The following MPHOSPH9 variants were observed in gnomAD, a reference collection of about 807,000 sequenced individuals.
MPHOSPH9 encodes M-phase phosphoprotein 9.
Under a neutral mutation model 145.5 loss-of-function variants are expected in MPHOSPH9, and 88 were observed. The ratio of observed to expected loss-of-function variants is 0.60; its 90% CI spans 0.51 to 0.72. MPHOSPH9 has a LOEUF of 0.72. MPHOSPH9 is among the 30% of genes least tolerant of loss of function. The pLI is 0.00. For synonymous variants in MPHOSPH9, 435 were observed against 486.2 expected (o/e 0.89, Z 1.39); for missense variants, 1,238 against 1,386.6 (o/e 0.89, Z 1.70).
intron 21 of MPHOSPH9, 55 bp downstream of exon 21, chr12:123,162,060 A>G: frequency 8.7e-7 from 1 of 1,152,670 alleles, no homozygotes; most frequent in Non-Finnish European, 1.2e-6. Context: ...GAGATACCAG[A>G]ATCTCAAAAA....
chr12:123,178,304 C>A (rs1242806283), intron 15 of MPHOSPH9, among the ~76,000 whole-genome samples: 1 of 152,224 alleles, frequency 6.6e-6, no homozygotes, highest in Non-Finnish European at 1.5e-5. Flanking sequence ...ATAGCCCTAA[C>A]AAGACTGATG....
At chr12:123,194,666 A>G (rs959998422) in intron 12 of MPHOSPH9, 65 bp from the exon 13 acceptor site, 72 of 1,205,120 alleles carry the variant, frequency 6.0e-5, no homozygotes, top group Admixed American at 8.8e-5. Context: ...CTGTTGCCCA[A>G]GCTGGAGTAC....
intron 16 of MPHOSPH9, among the ~76,000 whole-genome samples, chr12:123,168,605 G>A (rs531683871): frequency 3.3e-4 from 50 of 152,004 alleles, no homozygotes; most frequent in African/African-American, 9.2e-4. Context: ...GCCTCCCAAA[G>A]TGCTGGGATT....
intron 7 of MPHOSPH9, among the ~76,000 whole-genome samples, chr12:123,210,718 T>G (rs1034475252): frequency 6.6e-6 from 1 of 151,590 alleles, no homozygotes; most frequent in Admixed American, 6.6e-5. Flanking sequence ...ATAATAATAA[T>G]AAAATAAATT....
At chr12:123,231,587 C>T (rs1434520423) in intron 1 of MPHOSPH9, among the ~76,000 whole-genome samples, 1 of 152,142 alleles carries the variant, frequency 6.6e-6, no homozygotes, top group African/African-American at 2.4e-5. Context: ...GTCCCAGCTA[C>T]TCTGGAGGCT....
intron 12 of MPHOSPH9, among the ~76,000 whole-genome samples, chr12:123,197,758 G>A (rs2046031088): frequency 6.7e-6 from 1 of 149,706 alleles, no homozygotes; most frequent in Non-Finnish European, 1.5e-5. Context: ...CTACAGCCTG[G>A]GCGACAGAGC....
chr12:123,154,268 C>T lies in MPHOSPH9; in HGVS notation c.*2539G>A, dbSNP rs948923231. ...TTAATACCTGCAGCAAAGCCCCAAGCCAACAACAAAAATAGTTTATACCCG... is the reference window on the plus strand; with the variant it reads ...TTAATACCTGCAGCAAAGCCCCAAGTCAACAACAAAAATAGTTTATACCCG... On this transcript the variant is annotated 3_prime_UTR_variant, in exon 24 of 24. Coordinates refer to ENST00000606320, the MANE Select transcript of MPHOSPH9 (RefSeq NM_022782.4). The T allele has an allele frequency of 2.6e-5, 4 of 151,026 alleles. No homozygotes were observed. The highest frequency in any genetic ancestry group is 4.9e-5 in the African/African-American group (2 of 41,016). The allele number at this position is 151,026 out of a possible 1,614,324, so 9.4% of individuals were successfully genotyped here. A position where few individuals can be genotyped will look rare whatever the true frequency, so the allele number is the denominator to read the frequency against.
At chr12:123,189,885 G>A (rs979774108) in intron 13 of MPHOSPH9, among the ~76,000 whole-genome samples, 5 of 151,340 alleles carry the variant, frequency 3.3e-5, no homozygotes, top group East Asian at 2.0e-4. Context: ...GCAGTGAGCC[G>A]AGATGGTGCC....
At chr12:123,210,029 C>T (rs1481560473) in intron 8 of MPHOSPH9, 27 bp downstream of exon 8, 1 of 1,554,478 alleles carries the variant, frequency 6.4e-7, no homozygotes, top group East Asian at 2.3e-5. Flanking sequence ...AGCCACCGCG[C>T]CCGGCCACCG....
At chr12:123,229,742 CA>C (rs2047566436) in intron 2 of MPHOSPH9, among the ~76,000 whole-genome samples, 1 of 150,900 alleles carries the variant, frequency 6.6e-6, no homozygotes, top group African/African-American at 2.4e-5. Flanking sequence ...GCTTTCCATG[CA>C]AAAGTACATA....
At chr12:123,166,370 T>C (rs2044317923) in intron 17 of MPHOSPH9, 1 of 370,100 alleles carries the variant, frequency 2.7e-6, no homozygotes, top group African/African-American at 2.2e-5. Context: ...CCTCCCAAAG[T>C]GTTGGGATTA....
rs984062773 is a variant in MPHOSPH9 at position 123,162,946 on chromosome 12, C to T, written c.3029+68G>A. ...CTGAAAAATTAGTGATAGCTAGAGA[C>T]ATAAGTCAACATTTAGAAAAAAATC... On this transcript the variant is annotated intron_variant, in intron 20 of 23. Transcript: ENST00000606320. 2.8e-6 allele frequency: 4 copies of T among 1,412,530 alleles called. No individual in the cohort carries two copies. In the African/African-American group the frequency reaches 6.0e-5, roughly 21 times the overall value. 87.5% of individuals were successfully genotyped at this position (1,412,530 alleles called of 1,614,324 possible).
chr12:123,237,425 G>T (rs2047869041), upstream of MPHOSPH9, among the ~76,000 whole-genome samples: 1 of 152,158 alleles, frequency 6.6e-6, no homozygotes, highest in African/African-American at 2.4e-5. Context: ...CGAAACTCCG[G>T]CTCAAAAATA....
At position 123,207,800 on chromosome 12, in the gene MPHOSPH9, C is replaced by T. The variant is rs553815241; in HGVS notation, c.1194+2256G>A. 5.1e-4 allele frequency among the ~76,000 whole-genome samples: 77 copies of T among 150,212 alleles called. No homozygotes were observed. The Middle Eastern group carries it at 0.01, about 20-fold the overall frequency. ...CCTGGGAGGCAGAGATTGCAGTGAG[C>T]TGAGATCACGCCACTGCACTCCAGC... On this transcript the variant is annotated intron_variant, in intron 8 of 23. Transcript: ENST00000606320.
intron 7 of MPHOSPH9, among the ~76,000 whole-genome samples, chr12:123,211,680 A>ATTTC (rs1406742739): frequency 7.3e-6 from 1 of 136,068 alleles, no homozygotes; most frequent in Non-Finnish European, 1.5e-5. Flanking sequence ...AAAATAGACA[A>ATTTC]TTTCTTTTTT....
chr12:123,174,161 G>A (rs1345239268), intron 16 of MPHOSPH9, among the ~76,000 whole-genome samples: 2 of 152,166 alleles, frequency 1.3e-5, no homozygotes, highest in African/African-American at 4.8e-5. Flanking sequence ...GCTGGTGTGA[G>A]AGCACAGGGA....
chr12:123,228,331 T>G (rs1037960153), intron 2 of MPHOSPH9, among the ~76,000 whole-genome samples: 1 of 152,090 alleles, frequency 6.6e-6, no homozygotes, highest in Non-Finnish European at 1.5e-5. Flanking sequence ...CACAAATAAT[T>G]TGTTTAAAAA....
intron 13 of MPHOSPH9, among the ~76,000 whole-genome samples, chr12:123,189,577 G>A (rs2045586981): frequency 1.3e-5 from 2 of 152,268 alleles, no homozygotes; most frequent in Non-Finnish European, 2.9e-5. Context: ...AAATGAAGTT[G>A]TGCTACTACT....
At position 123,161,172 on chromosome 12, in the gene MPHOSPH9, T is replaced by A; in HGVS notation, c.3345A>T (p.Glu1115Asp). ...TAKIRTLAET[E>D]RFFDELTKEK... ...CTTTTGTAAGTTCATCAAAAAATCG[T>A]TCTGTTTCAGCTAGGGTCCGAATTT... Residue 1115 changes from glutamate to aspartate, a missense_variant, in exon 22 of 24, where the codon GAA (glutamate) becomes GAT (aspartate). Coordinates refer to ENST00000606320, the MANE Select transcript of MPHOSPH9 (RefSeq NM_022782.4). The A allele has an allele frequency of 6.2e-7, 1 of 1,614,068 alleles. No homozygotes were observed. Among genetic ancestry groups the A allele is most frequent in the Non-Finnish European group, 8.5e-7 (1 of 1,179,978 alleles).
Sources: allele counts gnomAD v4.1 joint callset (sites outside exome capture counted in the v4.1 genomes callset), GRCh38; gene constraint gnomAD v4.1.1; transcripts MANE v1.5; gene names NCBI Gene and HGNC (gene_info 2026-07-23, HGNC 2026-07-21).